CCNT1: variants seen among roughly 807,000 people sequenced by gnomAD.
CCNT1 encodes the protein cyclin T1.
Under a neutral mutation model 67.3 loss-of-function variants are expected in CCNT1, and 18 were observed. That is an observed-to-expected ratio of 0.27 (90% CI 0.18 to 0.40). CCNT1 has a LOEUF of 0.40. Among genes scored for constraint, CCNT1 ranks in the 10% least tolerant of loss-of-function variants. The pLI is 1.00. For missense variants in CCNT1, 744 were observed against 884.9 expected (o/e 0.84, Z 2.02); for synonymous variants, 333 against 310.3 (o/e 1.07, Z -0.77).
chr12:48,710,954 G>A (rs541850242), intron 2 of CCNT1, among the ~76,000 whole-genome samples: 22 of 152,176 alleles, frequency 1.4e-4, no homozygotes, highest in African/African-American at 3.1e-4. Flanking sequence ...CCAGCTACTC[G>A]GGAGGCTGAG....
At chr12:48,702,816 C>G (rs914043015) in intron 3 of CCNT1, among the ~76,000 whole-genome samples, 2 of 149,736 alleles carry the variant, frequency 1.3e-5, no homozygotes, top group Non-Finnish European at 3.0e-5. Flanking sequence ...GACTCCATCT[C>G]AAAAAAAGAA....
chr12:48,710,221 C>A (rs1176857184), intron 2 of CCNT1, among the ~76,000 whole-genome samples: 3 of 152,062 alleles, frequency 2.0e-5, no homozygotes, highest in Non-Finnish European at 4.4e-5. Context: ...GAAAAACACA[C>A]ACACACATAC....
At chr12:48,712,688 C>T (rs192246650) in intron 2 of CCNT1, among the ~76,000 whole-genome samples, 1 of 139,438 alleles carries the variant, frequency 7.2e-6, no homozygotes, top group African/African-American at 2.6e-5. Flanking sequence ...ACCTGTAATC[C>T]CAACACTTTG....
In CCNT1 at chr12:48,694,068, C is replaced by T; in HGVS notation, c.1146G>A (p.Val382=). ...FISQKQNSKS[V]PSAKVSLKEY... ...CTTTCAGTGACACTTTAGCTGATGG[C>T]ACACTCTTACTATTCTGCTTCTGGG... is the stretch of plus-strand genomic sequence containing the variant. The change falls in exon 9 of 9, where the codon GTG becomes GTA. Residue 382 remains valine (V), a synonymous_variant. Transcript: ENST00000261900. 1 of 1,614,232 alleles carries T rather than the reference C, an allele frequency of 6.2e-7. No individual in the cohort carries two copies. The highest frequency in any genetic ancestry group is 8.5e-7 in the Non-Finnish European group (1 of 1,180,040).
chr12:48,694,493 C>G, intron 8 of CCNT1, 57 bp from the exon 9 acceptor site: 2 of 1,473,638 alleles, frequency 1.4e-6, no homozygotes, highest in South Asian at 2.5e-5. Context: ...TAAAAAAACA[C>G]TGAGATGAGT....
At chr12:48,698,718 G>A (rs1940219247) in intron 5 of CCNT1, among the ~76,000 whole-genome samples, 2 of 152,182 alleles carry the variant, frequency 1.3e-5, no homozygotes, top group Non-Finnish European at 2.9e-5. Context: ...AGCACTTTGG[G>A]ACGCCGAGGT....
chr12:48,689,766 A>G lies in CCNT1; in HGVS notation c.*3267T>C, dbSNP rs2137216894. On this transcript the variant is annotated 3_prime_UTR_variant, in exon 9 of 9. Transcript: ENST00000261900. ...ACAGGGCCCCTCTACAATTGCCTTT[A>G]CTTGGAAGCCATGTATGTGGAGGAG... is the stretch of plus-strand genomic sequence containing the variant. The G allele has an allele frequency of 6.6e-6, 1 of 152,350 alleles. No homozygotes were observed. Among genetic ancestry groups the G allele is most frequent in the Non-Finnish European group, 1.5e-5 (1 of 68,032 alleles). The allele number at this position is 152,350 out of a possible 1,614,324, so 9.4% of individuals were successfully genotyped here.
intron 2 of CCNT1, among the ~76,000 whole-genome samples, chr12:48,712,396 C>T (rs1592127081): frequency 1.3e-5 from 2 of 151,256 alleles, no homozygotes; most frequent in Middle Eastern, 3.4e-3. Context: ...TTGCCTCAGC[C>T]TCCTGAGTAG....
chr12:48,701,523 G>C (rs1445317985), intron 3 of CCNT1, among the ~76,000 whole-genome samples: 1 of 151,848 alleles, frequency 6.6e-6, no homozygotes, highest in Non-Finnish European at 1.5e-5. Flanking sequence ...CCATATATTT[G>C]GTTCATTTTC....
chr12:48,695,505 A>G (rs1352759671), intron 8 of CCNT1, among the ~76,000 whole-genome samples: 1 of 152,194 alleles, frequency 6.6e-6, no homozygotes, highest in African/African-American at 2.4e-5. Context: ...GTTTCCACAC[A>G]GAAAATACTG....
chr12:48,716,364 T>G, intron 1 of CCNT1, 151 bp downstream of exon 1: 1 of 702,534 alleles, frequency 1.4e-6, no homozygotes, highest in Admixed American at 2.7e-5. Flanking sequence ...TAACTGAGTT[T>G]CAGCCCGCCC....
chr12:48,710,312 C>G (rs931041766), intron 2 of CCNT1, among the ~76,000 whole-genome samples: 1 of 152,120 alleles, frequency 6.6e-6, no homozygotes, highest in Non-Finnish European at 1.5e-5. Flanking sequence ...GTATTAAGTC[C>G]TCTCACATTT....
rs927899419 is a variant in CCNT1 at position 48,691,363 on chromosome 12, A to G, written c.*1670T>C. ...GAAAAATAATTCGACCTCTCCCTAA[A>G]AAATCCTTGGCATGAAGTAAGCTGC... On this transcript the variant is annotated 3_prime_UTR_variant, in exon 9 of 9. Coordinates refer to ENST00000261900, the MANE Select transcript of CCNT1 (RefSeq NM_001240.4). 1.3e-4 allele frequency: 20 copies of G among 152,272 alleles called. No homozygotes were observed. The highest frequency in any genetic ancestry group is 5.8e-4 in the East Asian group (3 of 5,186). 9.4% of individuals were successfully genotyped at this position (152,272 alleles called of 1,614,324 possible).
chr12:48,699,901 G>A, intron 4 of CCNT1, 61 bp from the exon 5 acceptor site: 1 of 1,042,376 alleles, frequency 9.6e-7, no homozygotes, highest in Non-Finnish European at 1.5e-6. Context: ...ACAAATTATT[G>A]TAAAAGGATA....
At position 48,691,237 on chromosome 12, in the gene CCNT1, G is replaced by A. The variant is rs1940067891; in HGVS notation, c.*1796C>T. ...GCCTACAAATTCCTTTCTATATTAGGCCAGTACATCATCAATTCCAACAGC... is the reference window on the plus strand; with the variant it reads ...GCCTACAAATTCCTTTCTATATTAGACCAGTACATCATCAATTCCAACAGC... On this transcript the variant is annotated 3_prime_UTR_variant, in exon 9 of 9. Transcript: ENST00000261900. The A allele has an allele frequency of 1.3e-5, 2 of 152,282 alleles. No individual in the cohort carries two copies. Among genetic ancestry groups the A allele is most frequent in the Admixed American group, 1.3e-4 (2 of 15,298 alleles). The allele number at this position is 152,282 out of a possible 1,614,324, so 9.4% of individuals were successfully genotyped here.
At chr12:48,705,414 G>A (rs1224358063) in intron 3 of CCNT1, among the ~76,000 whole-genome samples, 2 of 151,892 alleles carry the variant, frequency 1.3e-5, no homozygotes, top group Non-Finnish European at 2.9e-5. Context: ...TTACAGGCAT[G>A]AGCCACCACA....
intron 4 of CCNT1, 43 bp from the exon 5 acceptor site, chr12:48,699,883 T>C (rs776507744): frequency 1.9e-5 from 23 of 1,220,012 alleles, no homozygotes; most frequent in African/African-American, 3.0e-5. Flanking sequence ...TTAAGAAGTT[T>C]ACATTTTACA....
intron 4 of CCNT1, 78 bp from the exon 5 acceptor site, chr12:48,699,918 T>C: frequency 2.4e-6 from 2 of 849,272 alleles, no homozygotes; most frequent in Non-Finnish European, 3.8e-6. Context: ...GATAACTGAT[T>C]GTAAATTACA....
At chr12:48,706,602 CAT>C (rs760390902) in intron 2 of CCNT1, among the ~76,000 whole-genome samples, 8 of 152,116 alleles carry the variant, frequency 5.3e-5, no homozygotes, top group Non-Finnish European at 5.9e-5. Flanking sequence ...AGCAATATGA[CAT>C]AAATGTAGCC....
Sources: allele counts gnomAD v4.1 joint callset (sites outside exome capture counted in the v4.1 genomes callset), GRCh38; gene constraint gnomAD v4.1.1; transcripts MANE v1.5; gene names NCBI Gene and HGNC (gene_info 2026-07-23, HGNC 2026-07-21).